The following KHDRBS2 variants were observed in gnomAD, a reference collection of about 807,000 sequenced individuals.
KHDRBS2 encodes the protein KH domain-containing, RNA-binding, signal transduction-associated protein 2.
A neutral mutation model predicts 44.3 loss-of-function variants in KHDRBS2; 26 were observed. The observed-to-expected ratio is 0.59, with a 90% confidence interval of 0.43 to 0.81. The LOEUF (loss-of-function observed/expected upper bound fraction) is 0.81. Among genes scored for constraint, KHDRBS2 ranks in the 40% least tolerant of loss-of-function variants. The pLI, the probability that KHDRBS2 is intolerant of heterozygous loss-of-function variation, is 0.00. For missense variants in KHDRBS2, 476 were observed against 433.1 expected, an observed-to-expected ratio of 1.10 and a Z score of -0.88; for synonymous variants, 194 against 151.1, an observed-to-expected ratio of 1.28 and a Z score of -2.08.
chr6:61,598,412 A>C, the KHDRBS2 span, among the ~76,000 whole-genome samples: 7 of 152,308 alleles, frequency 4.6e-5, no homozygotes, highest in East Asian at 1.2e-3. Context: ...TATTAGCCAA[A>C]TGAGGTACAT....
intron 6 of KHDRBS2, among the ~76,000 whole-genome samples, chr6:61,796,936 C>T (rs1274396026): frequency 1.3e-5 from 2 of 151,964 alleles, no homozygotes; most frequent in African/African-American, 4.8e-5. Context: ...CTTGAATTTC[C>T]AAGTTATCTG....
At chr6:61,599,375 T>G in the KHDRBS2 span, among the ~76,000 whole-genome samples, 8 of 152,304 alleles carry the variant, frequency 5.3e-5, no homozygotes, top group South Asian at 6.2e-4. Context: ...ATGAGCCTGT[T>G]TTCATACAAA....
chr6:62,237,216 C>A (rs952752127), intron 1 of KHDRBS2, among the ~76,000 whole-genome samples: 8 of 152,056 alleles, frequency 5.3e-5, no homozygotes, highest in African/African-American at 1.9e-4. Flanking sequence ...AGTTGTATTT[C>A]TTTGAATTTC....
At chr6:61,849,212 A>C (rs530460769) in intron 6 of KHDRBS2, among the ~76,000 whole-genome samples, 1 of 152,216 alleles carries the variant, frequency 6.6e-6, no homozygotes, top group South Asian at 2.1e-4. Context: ...TCGACTATAA[A>C]TAGCCTAGCT....
At chr6:62,127,201 A>AT (rs1398555154) in intron 2 of KHDRBS2, among the ~76,000 whole-genome samples, 1 of 152,192 alleles carries the variant, frequency 6.6e-6, no homozygotes, top group East Asian at 1.9e-4. Context: ...ATACAATCAC[A>AT]TACATAATTG....
intron 2 of KHDRBS2, among the ~76,000 whole-genome samples, chr6:62,060,625 C>CTA (rs1355683808): frequency 1.6e-4 from 24 of 149,850 alleles, no homozygotes; most frequent in African/African-American, 4.4e-4. Flanking sequence ...CTCTCTCTCT[C>CTA]TCTCTCTCTA....
At chr6:61,736,212 TCACACACACA>T (rs376298733) in intron 6 of KHDRBS2, among the ~76,000 whole-genome samples, 7 of 135,562 alleles carry the variant, frequency 5.2e-5, no homozygotes, top group African/African-American at 1.9e-4. Flanking sequence ...TTACTTTACT[TCACACACACA>T]CACACACACA....
At chr6:61,718,842 A>T (rs1771870732) in intron 7 of KHDRBS2, among the ~76,000 whole-genome samples, 1 of 152,114 alleles carries the variant, frequency 6.6e-6, no homozygotes, top group Non-Finnish European at 1.5e-5. Context: ...TCCACTGAAA[A>T]TAGTTCCCTG....
chr6:61,637,586 C>G, the KHDRBS2 span, among the ~76,000 whole-genome samples: 2 of 152,066 alleles, frequency 1.3e-5, no homozygotes, highest in Non-Finnish European at 2.9e-5. Context: ...ATTTCTAGTT[C>G]TAGATCCCTG....
chr6:61,748,502 C>A (rs924045553), intron 6 of KHDRBS2, among the ~76,000 whole-genome samples: 2 of 152,142 alleles, frequency 1.3e-5, no homozygotes, highest in African/African-American at 4.8e-5. Context: ...TTAAGTTTCA[C>A]ATAAGATGTC....
chr6:62,224,217 C>G (rs1342173148), intron 1 of KHDRBS2, among the ~76,000 whole-genome samples: 1 of 152,144 alleles, frequency 6.6e-6, no homozygotes. Flanking sequence ...GATGCAACCC[C>G]TCATAAACTG....
At chr6:62,078,893 T>C (rs1796854708) in intron 2 of KHDRBS2, among the ~76,000 whole-genome samples, 1 of 152,062 alleles carries the variant, frequency 6.6e-6, no homozygotes, top group Admixed American at 6.6e-5. Flanking sequence ...TGTGTCACTG[T>C]TGGAAGACTT....
At chr6:62,213,788 G>A (rs1200879546) in intron 1 of KHDRBS2, among the ~76,000 whole-genome samples, 2 of 146,440 alleles carry the variant, frequency 1.4e-5, no homozygotes, top group Non-Finnish European at 1.5e-5. Flanking sequence ...GCAGGAGGAT[G>A]GCGTGAACCC....
the KHDRBS2 span, among the ~76,000 whole-genome samples, chr6:61,568,366 A>G: frequency 6.6e-6 from 1 of 152,140 alleles, no homozygotes; most frequent in African/African-American, 2.4e-5. Context: ...TTTTTTTCTA[A>G]CTATGAATAA....
chr6:61,721,228 G>C (rs1772459659), intron 7 of KHDRBS2, among the ~76,000 whole-genome samples: 1 of 152,132 alleles, frequency 6.6e-6, no homozygotes, highest in African/African-American at 2.4e-5. Context: ...CTCCAGCTTT[G>C]TCCTTTTGGC....
chr6:62,285,478 T>C (rs960013782), intron 1 of KHDRBS2, among the ~76,000 whole-genome samples: 1 of 152,202 alleles, frequency 6.6e-6, no homozygotes, highest in African/African-American at 2.4e-5. Context: ...GATCTGTAGC[T>C]ACGAAGCTCT....
rs894401199 is a variant in KHDRBS2 at position 62,083,850 on chromosome 6, T to C, written c.220-35856A>G. On this transcript the variant is annotated intron_variant, in intron 2 of 8. Coordinates refer to ENST00000281156, the MANE Select transcript of KHDRBS2 (RefSeq NM_152688.4). The stretch of plus-strand genomic sequence containing the variant: ...TCATAGGCTTGTGAAAAGCTGTTTA[T>C]CACCACAGTGCTTCATTACACTAGT... 4.6e-5 allele frequency among the ~76,000 whole-genome samples: 7 copies of C among 152,334 alleles called. 1 individual carries two copies. The highest frequency in any genetic ancestry group is 1.0e-4 in the Non-Finnish European group (7 of 68,032).
At chr6:61,652,795 G>A in the KHDRBS2 span, among the ~76,000 whole-genome samples, 2 of 152,042 alleles carry the variant, frequency 1.3e-5, no homozygotes, top group African/African-American at 2.4e-5. Context: ...GGCACAGAGT[G>A]AGCACATCAG....
At chr6:61,607,519 G>GCAAA in the KHDRBS2 span, among the ~76,000 whole-genome samples, 1 of 23,322 alleles carries the variant, frequency 4.3e-5, no homozygotes, top group African/African-American at 1.5e-4. Flanking sequence ...TGAGTTCCAA[G>GCAAA]CAAAAAAAAA....
Sources: gnomAD v4.1 joint callset for allele counts (sites outside exome capture counted in the v4.1 genomes callset) on GRCh38, gnomAD v4.1.1 for gene constraint, MANE v1.5 for transcripts, NCBI Gene and HGNC (gene_info 2026-07-23, HGNC 2026-07-21) for gene names.